LHFPL6: variants seen among roughly 807,000 people sequenced by gnomAD.
LHFPL6 encodes the protein LHFPL tetraspan subfamily member 6 protein.
In LHFPL6, 9 loss-of-function variants were observed where a neutral mutation model predicts 20.6. That is an observed-to-expected ratio of 0.44 (90% confidence interval 0.26 to 0.76). The LOEUF (loss-of-function observed/expected upper bound fraction) is 0.76. Among genes scored for constraint, LHFPL6 ranks in the 30% least tolerant of loss-of-function variants. LHFPL6 has a pLI of 0.20. For synonymous variants in LHFPL6, 105 were observed against 98.7 expected (o/e 1.06, Z -0.38); for missense variants, 218 against 253.5 (o/e 0.86, Z 0.95).
chr13:39,561,169 C>A lies in LHFPL6; in HGVS notation c.385+39663G>T, dbSNP rs577395393. Among the ~76,000 whole-genome samples the A allele has an allele frequency of 5.8e-4, 88 of 151,964 alleles. 2 individuals are homozygous for A. In the South Asian group the frequency reaches 0.018, roughly 30 times the overall value. On this transcript the variant is annotated intron_variant, in intron 2 of 3. Coordinates refer to ENST00000379589, the MANE Select transcript of LHFPL6 (RefSeq NM_005780.3). The stretch of plus-strand genomic sequence containing the variant: ...ACTCACTTCTAGGAGGCTTTGCCTG[C>A]CTCCTCCCCACTCCCCATACCCCTC...
At chr13:39,548,475 G>A (rs75597658) in intron 2 of LHFPL6, among the ~76,000 whole-genome samples, 2,778 of 152,152 alleles carry the variant, frequency 0.018, 122 homozygotes, top group African/African-American at 0.064. Context: ...AGCAGCTGCC[G>A]TAGACTAGGC....
chr13:39,580,815 G>A (rs771313645), intron 2 of LHFPL6, among the ~76,000 whole-genome samples: 32 of 152,188 alleles, frequency 2.1e-4, no homozygotes, highest in Non-Finnish European at 4.1e-4. Context: ...GAGGCCAAGA[G>A]TCTGTAACTT....
intron 3 of LHFPL6, among the ~76,000 whole-genome samples, chr13:39,372,605 T>TTCA: frequency 6.6e-6 from 1 of 152,364 alleles, no homozygotes; most frequent in East Asian, 1.9e-4. Context: ...GCAAGATTGC[T>TTCA]TCAGAGCGCT....
chr13:39,500,685 C>A (rs190346912), intron 2 of LHFPL6, among the ~76,000 whole-genome samples: 5 of 152,214 alleles, frequency 3.3e-5, no homozygotes, highest in Admixed American at 2.6e-4. Context: ...AGAAAAGGCC[C>A]ATGAATTGTA....
intron 2 of LHFPL6, among the ~76,000 whole-genome samples, chr13:39,551,523 T>A (rs1488139324): frequency 6.6e-6 from 1 of 152,184 alleles, no homozygotes; most frequent in African/African-American, 2.4e-5. Flanking sequence ...TGAAATCAGG[T>A]AGTATGGTTT....
chr13:39,591,595 A>G (rs1872592919), intron 2 of LHFPL6, among the ~76,000 whole-genome samples: 1 of 152,112 alleles, frequency 6.6e-6, no homozygotes, highest in Admixed American at 6.5e-5. Context: ...CTAGTACAAT[A>G]TGAGGTTTTA....
intron 2 of LHFPL6, among the ~76,000 whole-genome samples, chr13:39,462,000 C>T (rs920524320): frequency 6.6e-6 from 1 of 152,076 alleles, no homozygotes; most frequent in African/African-American, 2.4e-5. Flanking sequence ...CTGAGTCTGT[C>T]ACCTGGGAAT....
At chr13:39,527,098 C>T (rs1170367879) in intron 2 of LHFPL6, among the ~76,000 whole-genome samples, 1 of 152,186 alleles carries the variant, frequency 6.6e-6, no homozygotes, top group African/African-American at 2.4e-5. Flanking sequence ...TTACCTTGCT[C>T]AGTGACTTCT....
chr13:39,444,770 G>C (rs1872241070), intron 2 of LHFPL6, among the ~76,000 whole-genome samples: 2 of 152,202 alleles, frequency 1.3e-5, no homozygotes, highest in African/African-American at 4.8e-5. Context: ...AGACAGTCGG[G>C]GGCTCAGGCA....
chr13:39,479,072 TAGATAGATAGAC>T (rs1402505405), intron 2 of LHFPL6, among the ~76,000 whole-genome samples: 1 of 151,010 alleles, frequency 6.6e-6, no homozygotes, highest in East Asian at 2.0e-4. Flanking sequence ...GATAGATAGA[TAGATAGATAGAC>T]AGACATAGGT....
chr13:39,412,922 C>CAA (rs11398965), intron 2 of LHFPL6, among the ~76,000 whole-genome samples: 2,936 of 141,526 alleles, frequency 0.021, 69 homozygotes, highest in East Asian at 0.13. Context: ...ACTCCCGTCT[C>CAA]AAAAAAAAAA....
chr13:39,368,176 C>G (rs1870058450), intron 3 of LHFPL6, among the ~76,000 whole-genome samples: 2 of 151,094 alleles, frequency 1.3e-5, no homozygotes, highest in African/African-American at 4.9e-5. Flanking sequence ...CTAAGAATTA[C>G]AAAAATTAGC....
intron 3 of LHFPL6, among the ~76,000 whole-genome samples, chr13:39,354,653 G>C (rs1368305020): frequency 6.6e-6 from 1 of 151,930 alleles, no homozygotes; most frequent in African/African-American, 2.4e-5. Flanking sequence ...AATAATCCAA[G>C]GAAACCAGTA....
intron 2 of LHFPL6, among the ~76,000 whole-genome samples, chr13:39,492,536 A>T (rs1868961306): frequency 6.6e-6 from 1 of 152,228 alleles, no homozygotes; most frequent in Non-Finnish European, 1.5e-5. Context: ...TACAGTTTTT[A>T]AATCAAAGAC....
At chr13:39,367,200 G>A (rs750939237) in intron 3 of LHFPL6, among the ~76,000 whole-genome samples, 1 of 152,116 alleles carries the variant, frequency 6.6e-6, no homozygotes, top group Non-Finnish European at 1.5e-5. Context: ...ACAGACACAG[G>A]GGATCACTAG....
chr13:39,455,393 A>AT (rs2138424369), intron 2 of LHFPL6, among the ~76,000 whole-genome samples: 1 of 152,280 alleles, frequency 6.6e-6, no homozygotes, highest in East Asian at 1.9e-4. Context: ...AAAGGTACAC[A>AT]CTGCTCCCAT....
intron 2 of LHFPL6, among the ~76,000 whole-genome samples, chr13:39,594,868 C>CA (rs1385680437): frequency 6.6e-6 from 1 of 151,896 alleles, no homozygotes; most frequent in Non-Finnish European, 1.5e-5. Flanking sequence ...ATCGCAAGGA[C>CA]AAAAAACCAA....
chr13:39,488,707 C>T (rs1259358600), intron 2 of LHFPL6, among the ~76,000 whole-genome samples: 2 of 152,202 alleles, frequency 1.3e-5, no homozygotes, highest in East Asian at 3.8e-4. Context: ...TAGCCAGGCT[C>T]AGGACTCCCC....
rs71077225 is a variant in LHFPL6, at chr13:39,345,512, CAAAAAAAAA to C, written c.485-1467_485-1459del. Among the ~76,000 whole-genome samples, 21 of 43,416 alleles carry C rather than the reference CAAAAAAAAA, an allele frequency of 4.8e-4. No individual in the cohort carries two copies. The East Asian group carries it at 4.9e-3, about 10-fold the overall frequency. 28.5% of individuals were successfully genotyped at this position (43,416 alleles called of 152,430 possible). A position where few individuals can be genotyped will look rare whatever the true frequency, so the allele number is the denominator to read the frequency against. On this transcript the variant is annotated intron_variant, in intron 3 of 3. Transcript: ENST00000379589. ...TGGGTCAGGGAGCGAGACTCCATCT[CAAAAAAAAA>C]AAAAAAAAAAAAAAAAAAAGAAAGA...
Sources: gnomAD v4.1 joint callset for allele counts (sites outside exome capture counted in the v4.1 genomes callset) on GRCh38, gnomAD v4.1.1 for gene constraint, MANE v1.5 for transcripts, NCBI Gene and HGNC (gene_info 2026-07-23, HGNC 2026-07-21) for gene names.